PTPRE: variants seen among roughly 807,000 people sequenced by gnomAD.
The protein encoded by PTPRE is protein tyrosine phosphatase receptor type E.
In PTPRE, 51 loss-of-function variants were observed where a neutral mutation model predicts 102.0. That is an observed-to-expected ratio of 0.50 (90% confidence interval 0.40 to 0.63). The LOEUF is 0.63. PTPRE is among the 30% of genes least tolerant of loss of function. The pLI, the probability that PTPRE is intolerant of heterozygous loss-of-function variation, is 0.00. For synonymous variants in PTPRE, 345 were observed against 348.2 expected, an observed-to-expected ratio of 0.99 and a Z score of 0.10; for missense variants, 752 against 915.1, an observed-to-expected ratio of 0.82 and a Z score of 2.30.
chr10:127,909,240 T>C (rs1418333488), intron 1 of PTPRE, among the ~76,000 whole-genome samples: 5 of 152,094 alleles, frequency 3.3e-5, no homozygotes, highest in Admixed American at 6.6e-5. Flanking sequence ...TGTGTGTACA[T>C]CCTTGCCCCT....
chr10:127,923,050 G>A lies in PTPRE; in HGVS notation c.-31+15741G>A, dbSNP rs113626322. On this transcript the variant is annotated intron_variant, in intron 1 of 20. Transcript: ENST00000254667. ...GTGGGCAGCTGTGGCTAACTTGAGC[G>A]TCTGGCGGCATTCCCAGCCTGCACT... is the stretch of plus-strand genomic sequence containing the variant. Among the ~76,000 whole-genome samples, 391 of 152,364 alleles carry A rather than the reference G, an allele frequency of 2.6e-3. 1 individual carries two copies. Among genetic ancestry groups the A allele is most frequent in the Non-Finnish European group, 3.9e-3 (266 of 68,042 alleles).
intron 7 of PTPRE, 47 bp from the exon 8 acceptor site, chr10:128,060,892 T>A: frequency 6.4e-7 from 1 of 1,565,428 alleles, no homozygotes; most frequent in Non-Finnish European, 8.8e-7. Context: ...GACAGCACTG[T>A]GATTCCTGGT....
At chr10:128,054,718 G>A (rs933970075) in intron 6 of PTPRE, among the ~76,000 whole-genome samples, 2 of 152,000 alleles carry the variant, frequency 1.3e-5, no homozygotes, top group Non-Finnish European at 2.9e-5. Context: ...TCAGATCTGA[G>A]TCTGCAATTG....
intron 2 of PTPRE, among the ~76,000 whole-genome samples, chr10:128,004,415 C>CA (rs1467203379): frequency 6.6e-6 from 1 of 152,218 alleles, no homozygotes; most frequent in Admixed American, 6.5e-5. Flanking sequence ...AATCAATCTC[C>CA]ATTTCCCCCT....
intron 12 of PTPRE, chr10:128,069,109 C>T (rs906840760): frequency 2.0e-5 from 3 of 152,964 alleles, no homozygotes; most frequent in East Asian, 1.9e-4. Flanking sequence ...CAGGAACCCC[C>T]GAAGAACGGG....
At chr10:127,964,606 T>C (rs757129588) in intron 1 of PTPRE, among the ~76,000 whole-genome samples, 3 of 151,984 alleles carry the variant, frequency 2.0e-5, no homozygotes, top group Admixed American at 6.6e-5. Flanking sequence ...CAATTCTCAA[T>C]TGTAAGGGAA....
At chr10:128,033,897 G>T (rs1368473444) in intron 2 of PTPRE, among the ~76,000 whole-genome samples, 1 of 152,112 alleles carries the variant, frequency 6.6e-6, no homozygotes, top group Non-Finnish European at 1.5e-5. Flanking sequence ...TGCCTGCCTC[G>T]GCCTCCCAAA....
At chr10:127,998,337 A>G (rs1157565366) in intron 2 of PTPRE, 1 of 152,226 alleles carries the variant, frequency 6.6e-6, no homozygotes, top group African/African-American at 2.4e-5. Context: ...TAGCAAGGGC[A>G]TGCCACCCAG....
chr10:128,068,432 C>A, intron 12 of PTPRE, 146 bp downstream of exon 12: 3 of 902,120 alleles, frequency 3.3e-6, no homozygotes, highest in Non-Finnish European at 4.8e-6. Flanking sequence ...AGTGACTGAG[C>A]CAGGCCCCAA....
At chr10:127,948,965 GTGTCGATC>G (rs1325428894) in intron 1 of PTPRE, among the ~76,000 whole-genome samples, 1 of 152,246 alleles carries the variant, frequency 6.6e-6, no homozygotes, top group Non-Finnish European at 1.5e-5. Flanking sequence ...AAAGGTGACT[GTGTCGATC>G]TGTCTGCTGG....
chr10:128,005,080 T>G (rs6482642), intron 2 of PTPRE, among the ~76,000 whole-genome samples: 107,313 of 152,080 alleles, frequency 0.71, 38,373 homozygotes, highest in African/African-American at 0.83. Context: ...GTTTTTTGGG[T>G]TTATTTGTCT....
At chr10:127,912,348 G>A (rs1845921177) in intron 1 of PTPRE, among the ~76,000 whole-genome samples, 1 of 152,026 alleles carries the variant, frequency 6.6e-6, no homozygotes, top group African/African-American at 2.4e-5. Flanking sequence ...AATGAAATAG[G>A]GGCCAGATAA....
At chr10:127,910,349 C>A (rs1396666068) in intron 1 of PTPRE, among the ~76,000 whole-genome samples, 2 of 152,206 alleles carry the variant, frequency 1.3e-5, no homozygotes, top group Middle Eastern at 3.2e-3. Context: ...AGGCCCACCT[C>A]AAAAGTCTCA....
chr10:127,961,290 G>A (rs961706378), intron 1 of PTPRE, among the ~76,000 whole-genome samples: 6 of 152,152 alleles, frequency 3.9e-5, no homozygotes, highest in Non-Finnish European at 5.9e-5. Flanking sequence ...TGGTGACAGC[G>A]TCCCCTTTTT....
chr10:127,958,891 C>CT (rs572936097), intron 1 of PTPRE, among the ~76,000 whole-genome samples: 2,614 of 120,824 alleles, frequency 0.022, 96 homozygotes, highest in African/African-American at 0.052. Context: ...TTCAACTTGC[C>CT]TTTTTTTTTT....
Position 127,928,230 on chromosome 10 carries a change from G to A in PTPRE, c.-31+20921G>A, listed in dbSNP as rs150607331. 9.7e-3 allele frequency among the ~76,000 whole-genome samples: 1,470 copies of A among 152,208 alleles called. 11 individuals carry two copies. Among genetic ancestry groups the A allele is most frequent in the Admixed American group, 0.022 (329 of 15,292 alleles). On this transcript the variant is annotated intron_variant, in intron 1 of 20. Transcript: ENST00000254667. ...GCCTGTCTCATGCAGCATCCAAACGGACTTTAAAATTCCTTTAATTTAACA... is the reference window on the plus strand; with the variant it reads ...GCCTGTCTCATGCAGCATCCAAACGAACTTTAAAATTCCTTTAATTTAACA...
chr10:128,071,182 G>C (rs973026978), intron 15 of PTPRE: 9 of 465,080 alleles, frequency 1.9e-5, no homozygotes, highest in Non-Finnish European at 3.1e-5. Flanking sequence ...TGATTTCAGG[G>C]GAGGGCTTCA....
intron 1 of PTPRE, among the ~76,000 whole-genome samples, chr10:127,910,722 G>T (rs988005701): frequency 6.6e-6 from 1 of 152,176 alleles, no homozygotes; most frequent in Non-Finnish European, 1.5e-5. Flanking sequence ...CGCTTGGCTG[G>T]TATGCAGTAA....
At chr10:127,956,734 T>C (rs1849430799) in intron 1 of PTPRE, among the ~76,000 whole-genome samples, 2 of 152,190 alleles carry the variant, frequency 1.3e-5, no homozygotes, top group Admixed American at 6.5e-5. Flanking sequence ...CAGCATTTGG[T>C]GTTGTCAGTG....
Sources: allele counts gnomAD v4.1 joint callset (sites outside exome capture counted in the v4.1 genomes callset), GRCh38; gene constraint gnomAD v4.1.1; transcripts MANE v1.5; gene names NCBI Gene and HGNC (gene_info 2026-07-23, HGNC 2026-07-21).